Variants in PSD3 observed in about 807,000 individuals in gnomAD.
PSD3 encodes PH and SEC7 domain-containing protein 3.
Under a neutral mutation model 105.5 loss-of-function variants are expected in PSD3, and 49 were observed. The ratio of observed to expected loss-of-function variants is 0.46; its 90% CI spans 0.37 to 0.59. The LOEUF is 0.59. PSD3 is among the 20% of genes least tolerant of loss of function. The pLI is 0.00. For missense variants in PSD3, 1,561 were observed against 1,263.8 expected, an observed-to-expected ratio of 1.24 and a Z score of -3.57; for synonymous variants, 557 against 457.8, an observed-to-expected ratio of 1.22 and a Z score of -2.77.
intron 9 of PSD3, among the ~76,000 whole-genome samples, chr8:18,667,533 G>T (rs936410924): frequency 6.6e-6 from 1 of 152,176 alleles, no homozygotes; most frequent in Non-Finnish European, 1.5e-5. Context: ...TAGACACAGG[G>T]TGCTGATTGG....
At chr8:18,893,955 G>A (rs954906560) in intron 2 of PSD3, among the ~76,000 whole-genome samples, 3 of 152,100 alleles carry the variant, frequency 2.0e-5, no homozygotes, top group African/African-American at 7.2e-5. Flanking sequence ...CACATTCTCT[G>A]CCTTTCAAAA....
intron 11 of PSD3, among the ~76,000 whole-genome samples, chr8:18,601,259 A>C (rs1322017048): frequency 6.6e-6 from 1 of 152,240 alleles, no homozygotes; most frequent in African/African-American, 2.4e-5. Context: ...TAGATTAGCA[A>C]AACAGTTTAG....
At chr8:18,973,617 G>A (rs1073615) in intron 1 of PSD3, among the ~76,000 whole-genome samples, 30,370 of 152,096 alleles carry the variant, frequency 0.2, 3,591 homozygotes, top group Non-Finnish European at 0.27. Flanking sequence ...CTATGGGTTA[G>A]AACTTGAACA....
At chr8:18,840,269 A>G (rs1365593804) in intron 4 of PSD3, among the ~76,000 whole-genome samples, 1 of 152,110 alleles carries the variant, frequency 6.6e-6, no homozygotes, top group Non-Finnish European at 1.5e-5. Context: ...ATAGGTGGGG[A>G]AGTTGTGTGG....
intron 1 of PSD3, among the ~76,000 whole-genome samples, chr8:19,050,400 A>G (rs537516242): frequency 7.2e-5 from 11 of 152,324 alleles, no homozygotes; most frequent in African/African-American, 1.7e-4. Flanking sequence ...TGTTTATTGC[A>G]GCACTATTCA....
chr8:18,625,036 G>A (rs1232061851), intron 11 of PSD3, among the ~76,000 whole-genome samples: 1 of 151,940 alleles, frequency 6.6e-6, no homozygotes, highest in Non-Finnish European at 1.5e-5. Flanking sequence ...GTACCCAGCT[G>A]CTTTTATAAA....
chr8:18,699,348 A>G (rs1279585706), intron 9 of PSD3, among the ~76,000 whole-genome samples: 1 of 152,250 alleles, frequency 6.6e-6, no homozygotes, highest in East Asian at 1.9e-4. Context: ...TTTGACAACC[A>G]TGTAAACAAG....
chr8:18,812,170 C>G (rs1811751901), intron 4 of PSD3, among the ~76,000 whole-genome samples: 2 of 152,130 alleles, frequency 1.3e-5, no homozygotes, highest in Admixed American at 1.3e-4. Flanking sequence ...AGGAATATAG[C>G]ACAATCTGAT....
At chr8:18,727,110 G>C (rs2129429479) in intron 9 of PSD3, among the ~76,000 whole-genome samples, 1 of 152,084 alleles carries the variant, frequency 6.6e-6, no homozygotes, top group Middle Eastern at 3.4e-3. Flanking sequence ...GGCCGAAGTG[G>C]GTGAACCATG....
At chr8:18,684,514 G>C (rs556130067) in intron 9 of PSD3, among the ~76,000 whole-genome samples, 1 of 152,140 alleles carries the variant, frequency 6.6e-6, no homozygotes. Flanking sequence ...CTAGTGAAAC[G>C]ATGCGAGACA....
At chr8:18,828,069 T>TA (rs534987630) in intron 4 of PSD3, among the ~76,000 whole-genome samples, 26 of 97,900 alleles carry the variant, frequency 2.7e-4, no homozygotes, top group South Asian at 1.8e-3. Flanking sequence ...ATATATATAT[T>TA]TTTTTTTTTT....
chr8:18,721,658 A>G (rs756850971), intron 9 of PSD3, among the ~76,000 whole-genome samples: 3 of 152,196 alleles, frequency 2.0e-5, no homozygotes, highest in Non-Finnish European at 2.9e-5. Context: ...TCCAGGAACC[A>G]TACTGCATAA....
intron 10 of PSD3, among the ~76,000 whole-genome samples, chr8:18,641,033 T>C (rs534590233): frequency 5.9e-5 from 9 of 152,322 alleles, no homozygotes; most frequent in African/African-American, 2.2e-4. Flanking sequence ...AGTATAACTT[T>C]CTGCAGGTGC....
At chr8:18,839,331 T>TA (rs929072956) in intron 4 of PSD3, among the ~76,000 whole-genome samples, 3 of 152,206 alleles carry the variant, frequency 2.0e-5, no homozygotes, top group Non-Finnish European at 4.4e-5. Context: ...TCTATGTTTT[T>TA]ATAGGAAAAT....
intron 9 of PSD3, among the ~76,000 whole-genome samples, chr8:18,747,626 G>C (rs865855715): frequency 1.3e-4 from 20 of 152,170 alleles, no homozygotes; most frequent in African/African-American, 4.8e-4. Context: ...GCTTTAATCA[G>C]AACACCAGCA....
intron 1 of PSD3, among the ~76,000 whole-genome samples, chr8:19,022,891 G>A (rs969845645): frequency 1.3e-5 from 2 of 151,390 alleles, no homozygotes; most frequent in Non-Finnish European, 2.9e-5. Context: ...CTGTGCATGG[G>A]GTAGATGTTG....
chr8:18,939,482 C>T (rs1822381089), intron 1 of PSD3, among the ~76,000 whole-genome samples: 1 of 151,642 alleles, frequency 6.6e-6, no homozygotes. Flanking sequence ...ACTAGACTCA[C>T]CATTAAATCT....
chr8:18,983,356 C>G (rs987174297), intron 1 of PSD3, among the ~76,000 whole-genome samples: 4 of 152,236 alleles, frequency 2.6e-5, no homozygotes, highest in African/African-American at 9.6e-5. Context: ...CACATATTCA[C>G]TGAAGAAGCA....
chr8:18,868,418 C>T (rs1817106006), intron 3 of PSD3, among the ~76,000 whole-genome samples: 1 of 152,136 alleles, frequency 6.6e-6, no homozygotes, highest in African/African-American at 2.4e-5. Context: ...CTAATTATAA[C>T]AGAAGCAGAT....
Sources: allele counts gnomAD v4.1 joint callset (sites outside exome capture counted in the v4.1 genomes callset), GRCh38; gene constraint gnomAD v4.1.1; transcripts MANE v1.5; gene names NCBI Gene and HGNC (gene_info 2026-07-23, HGNC 2026-07-21).